Variants in DAB1 observed in about 807,000 individuals in gnomAD.
DAB1 encodes DAB adaptor protein 1, also known as disabled homolog 1.
In DAB1, 15 loss-of-function variants were observed where a neutral mutation model predicts 64.6. The ratio of observed to expected loss-of-function variants is 0.23; its 90% CI spans 0.16 to 0.36. The LOEUF is 0.36. Ranked by LOEUF, DAB1 falls within the 10% of genes least tolerant of loss-of-function variation. The pLI is 1.00. For missense variants in DAB1, 596 were observed against 706.7 expected, an observed-to-expected ratio of 0.84 and a Z score of 1.78; for synonymous variants, 235 against 251.9, an observed-to-expected ratio of 0.93 and a Z score of 0.64.
At chr1:57,794,421 T>C (rs12129754) in intron 6 of DAB1, among the ~76,000 whole-genome samples, 24,107 of 152,232 alleles carry the variant, frequency 0.16, 2,405 homozygotes, top group Admixed American at 0.31. Flanking sequence ...GACAGTACCA[T>C]GTTCTTTCAG....
chr1:58,439,164 C>T (rs1290519410), intron 3 of DAB1, among the ~76,000 whole-genome samples: 2 of 141,932 alleles, frequency 1.4e-5, no homozygotes, highest in African/African-American at 5.2e-5. Flanking sequence ...ACCCAGTTAT[C>T]ATCTTGGGCC....
At chr1:57,679,438 A>G (rs1646610771) in intron 6 of DAB1, among the ~76,000 whole-genome samples, 2 of 152,216 alleles carry the variant, frequency 1.3e-5, no homozygotes, top group Admixed American at 1.3e-4. Context: ...GATTGTAGGT[A>G]GAAGCACACG....
At chr1:57,702,799 G>T (rs1646922010) in intron 6 of DAB1, among the ~76,000 whole-genome samples, 2 of 151,966 alleles carry the variant, frequency 1.3e-5, no homozygotes, top group Admixed American at 1.3e-4. Flanking sequence ...TATACCACAG[G>T]GCTATAGTAA....
intron 6 of DAB1, among the ~76,000 whole-genome samples, chr1:57,706,933 G>C (rs1300241652): frequency 1.3e-5 from 2 of 151,980 alleles, no homozygotes; most frequent in Admixed American, 1.3e-4. Flanking sequence ...AATTAGCCGG[G>C]CGTGGTGGCA....
At chr1:57,836,381 A>G (rs981936756) in intron 1 of DAB1, among the ~76,000 whole-genome samples, 1 of 152,202 alleles carries the variant, frequency 6.6e-6, no homozygotes, top group African/African-American at 2.4e-5. Context: ...CATGTCAAGT[A>G]AAATAACTTG....
At chr1:57,598,322 A>G (rs1645535857) in intron 7 of DAB1, among the ~76,000 whole-genome samples, 1 of 152,264 alleles carries the variant, frequency 6.6e-6, no homozygotes, top group Admixed American at 6.5e-5. Flanking sequence ...GATGCTGCCC[A>G]TGCACAGACC....
intron 5 of DAB1, among the ~76,000 whole-genome samples, chr1:57,947,564 C>G (rs1485970379): frequency 1.3e-5 from 2 of 152,132 alleles, no homozygotes; most frequent in Non-Finnish European, 2.9e-5. Context: ...TGCCAAACGT[C>G]CCGTGGAAAG....
chr1:57,115,759 G>A (rs1656052878), intron 4 of DAB1, among the ~76,000 whole-genome samples: 1 of 152,252 alleles, frequency 6.6e-6, no homozygotes. Context: ...CTTCTTAAAG[G>A]TGAAAACACT....
chr1:57,121,465 G>A (rs1656656248), intron 4 of DAB1, among the ~76,000 whole-genome samples: 1 of 151,890 alleles, frequency 6.6e-6, no homozygotes, highest in South Asian at 2.1e-4. Context: ...AGTGCATGGG[G>A]CAGCCTTGCA....
chr1:57,485,311 C>A (rs1176305338), intron 7 of DAB1, among the ~76,000 whole-genome samples: 1 of 152,152 alleles, frequency 6.6e-6, no homozygotes, highest in Admixed American at 6.6e-5. Flanking sequence ...TGGGGTGAGA[C>A]CCTCTAACAT....
At chr1:58,178,143 CTAAT>C (rs2100778681) in intron 4 of DAB1, among the ~76,000 whole-genome samples, 1 of 152,280 alleles carries the variant, frequency 6.6e-6, no homozygotes, top group South Asian at 2.1e-4. Context: ...TAACCTCTTA[CTAAT>C]TAAAGTAGTA....
chr1:58,302,788 A>G lies in DAB1; in HGVS notation n.309+40564T>C, dbSNP rs538259304. Among the ~76,000 whole-genome samples the G allele has an allele frequency of 1.3e-3, 194 of 152,336 alleles. 1 individual carries two copies. The highest frequency in any genetic ancestry group is 4.5e-3 in the African/African-American group (188 of 41,586). On this transcript the variant is annotated intron_variant and non_coding_transcript_variant, in intron 4 of 20. Transcript: ENST00000485760. ...ATGAAAGTGACAAGAGTAAATAATC[A>G]ATAAATATTATTATTGTTGCTATTT... is the stretch of plus-strand genomic sequence containing the variant.
intron 6 of DAB1, among the ~76,000 whole-genome samples, chr1:57,760,920 G>A (rs1323822): frequency 0.2 from 30,459 of 152,048 alleles, 4,118 homozygotes; most frequent in East Asian, 0.48. Flanking sequence ...AAGTCTCAAA[G>A]CCAAGGTGCA....
At chr1:58,061,921 C>T (rs115586832) in intron 5 of DAB1, among the ~76,000 whole-genome samples, 15 of 152,222 alleles carry the variant, frequency 9.9e-5, no homozygotes, top group Admixed American at 3.3e-4. Context: ...ATCTGCTATC[C>T]GCAAATTAAC....
At chr1:58,335,991 A>T (rs1663109062) in intron 4 of DAB1, among the ~76,000 whole-genome samples, 1 of 152,204 alleles carries the variant, frequency 6.6e-6, no homozygotes, top group Non-Finnish European at 1.5e-5. Flanking sequence ...CTGAAGAAAT[A>T]AATTTGGTTA....
rs150461223 is a variant in DAB1 at position 57,741,216 on chromosome 1, A to T, written n.552-91551T>A. Among the ~76,000 whole-genome samples the T allele has an allele frequency of 2.6e-5, 4 of 152,298 alleles. No individual in the cohort carries two copies. The East Asian group carries it at 7.7e-4, about 29-fold the overall frequency. On this transcript the variant is annotated intron_variant and non_coding_transcript_variant, in intron 6 of 20. Transcript: ENST00000485760. ...TGCCTACTTCATTTCCTTATTCATA[A>T]AATAAATCTTCTGTTTCCTCTCTAC...
chr1:57,530,679 C>T (rs1372148861), intron 7 of DAB1, among the ~76,000 whole-genome samples: 3 of 152,064 alleles, frequency 2.0e-5, no homozygotes, highest in Non-Finnish European at 4.4e-5. Context: ...TTTATTTCTT[C>T]ATTCAATCTC....
chr1:57,285,292 G>C (rs1046682707), intron 2 of DAB1, among the ~76,000 whole-genome samples: 3 of 151,688 alleles, frequency 2.0e-5, no homozygotes, highest in Admixed American at 2.0e-4. Flanking sequence ...TTTGAGTTTT[G>C]AGTTTTGCTC....
At chr1:58,540,694 T>A in intron 1 of DAB1, among the ~76,000 whole-genome samples, 1 of 143,666 alleles carries the variant, frequency 7.0e-6, no homozygotes. Flanking sequence ...TAAAATGAAA[T>A]ACAGAGAAAA....
Sources: gnomAD v4.1 joint callset for allele counts (sites outside exome capture counted in the v4.1 genomes callset) on GRCh38, gnomAD v4.1.1 for gene constraint, MANE v1.5 for transcripts, NCBI Gene and HGNC (gene_info 2026-07-23, HGNC 2026-07-21) for gene names.